Variants in HMCN1 observed in about 807,000 individuals in gnomAD.
HMCN1 encodes the protein hemicentin-1.
Under a neutral mutation model 625.9 loss-of-function variants are expected in HMCN1, and 321 were observed. That is an observed-to-expected ratio of 0.51 (90% CI 0.47 to 0.56). The LOEUF (loss-of-function observed/expected upper bound fraction) is 0.56, where lower values mean the gene tolerates loss of function less well. Ranked by LOEUF, HMCN1 falls within the 20% of genes least tolerant of loss-of-function variation. The pLI is 0.00. For missense variants in HMCN1, 6,588 were observed against 6,887.3 expected, an observed-to-expected ratio of 0.96 and a Z score of 1.54; for synonymous variants, 2,425 against 2,417.6, an observed-to-expected ratio of 1.00 and a Z score of -0.09.
At chr1:185,743,363 C>T (rs1410958676) in intron 1 of HMCN1, among the ~76,000 whole-genome samples, 1 of 152,168 alleles carries the variant, frequency 6.6e-6, no homozygotes, top group East Asian at 1.9e-4. Flanking sequence ...TAATATATCT[C>T]CCATCCAAGC....
At chr1:185,761,035 A>G (rs1468445438) in intron 1 of HMCN1, among the ~76,000 whole-genome samples, 1 of 152,092 alleles carries the variant, frequency 6.6e-6, no homozygotes. Context: ...TCCAGTAGAA[A>G]GTGGGTATGA....
chr1:185,891,187 T>G (rs898480675), intron 4 of HMCN1, among the ~76,000 whole-genome samples: 26 of 134,328 alleles, frequency 1.9e-4, no homozygotes, highest in Non-Finnish European at 3.5e-4. Flanking sequence ...CATCCTTTTA[T>G]TTTGAGCCTA....
intron 18 of HMCN1, among the ~76,000 whole-genome samples, chr1:185,983,824 C>A (rs929873539): frequency 6.6e-6 from 1 of 152,092 alleles, no homozygotes; most frequent in African/African-American, 2.4e-5. Context: ...TGGAAAAGAA[C>A]ACTTTAAGCC....
intron 4 of HMCN1, among the ~76,000 whole-genome samples, chr1:185,901,651 A>G (rs1665814626): frequency 6.6e-6 from 1 of 151,814 alleles, no homozygotes; most frequent in Non-Finnish European, 1.5e-5. Context: ...GTTATGCTTT[A>G]GTTTCCAGCA....
intron 103 of HMCN1, 128 bp downstream of exon 103, chr1:186,174,770 A>T: frequency 1.2e-6 from 1 of 826,650 alleles, no homozygotes; most frequent in Non-Finnish European, 2.0e-6. Context: ...ATGTGAATTG[A>T]TTTACGTCAT....
chr1:186,163,476 G>T (rs1006219482), intron 97 of HMCN1, among the ~76,000 whole-genome samples: 1 of 152,168 alleles, frequency 6.6e-6, no homozygotes. Flanking sequence ...AGATGGAAAT[G>T]AGGAAATCAC....
intron 35 of HMCN1, 147 bp from the exon 36 acceptor site, chr1:186,022,883 G>T (rs915276306): frequency 2.6e-6 from 2 of 768,682 alleles, no homozygotes; most frequent in East Asian, 2.7e-5. Flanking sequence ...ATGTGAACTC[G>T]CTCTAGTCTA....
At chr1:186,123,794 T>C (rs924002833) in intron 81 of HMCN1, among the ~76,000 whole-genome samples, 1 of 152,188 alleles carries the variant, frequency 6.6e-6, no homozygotes, top group Non-Finnish European at 1.5e-5. Flanking sequence ...ATATCAGTGG[T>C]GGGAAACAAT....
intron 104 of HMCN1, among the ~76,000 whole-genome samples, chr1:186,181,177 AAAG>A (rs1652903101): frequency 2.0e-5 from 3 of 152,116 alleles, no homozygotes; most frequent in Non-Finnish European, 4.4e-5. Context: ...ATTTTAAAGG[AAAG>A]AAGTAAAAAC....
intron 2 of HMCN1, among the ~76,000 whole-genome samples, chr1:185,856,900 G>T (rs1427705329): frequency 6.6e-6 from 1 of 152,148 alleles, no homozygotes; most frequent in East Asian, 1.9e-4. Flanking sequence ...GGTCTCTCTG[G>T]TCCATCATTT....
At chr1:185,842,567 A>C (rs1233857677) in intron 1 of HMCN1, among the ~76,000 whole-genome samples, 1 of 151,124 alleles carries the variant, frequency 6.6e-6, no homozygotes, top group Non-Finnish European at 1.5e-5. Flanking sequence ...CTGTCTCAAC[A>C]AAAAATAAAA....
chr1:185,946,744 G>C (rs1390630880), intron 11 of HMCN1, among the ~76,000 whole-genome samples: 3 of 152,160 alleles, frequency 2.0e-5, no homozygotes, highest in Non-Finnish European at 4.4e-5. Context: ...CGACTTTTTT[G>C]TTAAGGAAAG....
intron 68 of HMCN1, among the ~76,000 whole-genome samples, chr1:186,100,058 C>G (rs1182625640): frequency 1.3e-5 from 2 of 151,592 alleles, no homozygotes; most frequent in Non-Finnish European, 2.9e-5. Context: ...TAGCATGTGG[C>G]AGGGGGAGGG....
chr1:185,924,293 C>T (rs368047021), intron 8 of HMCN1, among the ~76,000 whole-genome samples: 232 of 129,500 alleles, frequency 1.8e-3, no homozygotes, highest in Non-Finnish European at 2.7e-3. Context: ...TGCAGTGGCG[C>T]GATCTCGGCT....
chr1:186,093,602 C>T lies in HMCN1; in HGVS notation c.10129C>T (p.Leu3377=). The change falls in exon 66 of 107, where the codon CTG becomes TTG. Residue 3377 remains leucine, a synonymous_variant. Coordinates refer to ENST00000271588, the MANE Select transcript of HMCN1 (RefSeq NM_031935.3). The part of the protein sequence containing the change: ...TGTPPPQINW[L]KNGLPLPLSS... The stretch of plus-strand genomic sequence containing the variant: ...GACGCCTCCACCACAGATAAACTGG[C>T]TGAAGAATGGACTTCCTCTGCCTCT... 6.2e-7 allele frequency: 1 copy of T among 1,613,444 alleles called. No individual in the cohort carries two copies. Among genetic ancestry groups the T allele is most frequent in the Non-Finnish European group, 8.5e-7 (1 of 1,179,650 alleles).
intron 1 of HMCN1, among the ~76,000 whole-genome samples, chr1:185,813,241 G>A (rs190532882): frequency 6.6e-6 from 1 of 152,044 alleles, no homozygotes. Flanking sequence ...ATGGAAACAG[G>A]GTAAATTAAT....
intron 1 of HMCN1, among the ~76,000 whole-genome samples, chr1:185,815,203 T>C (rs1659767909): frequency 1.3e-5 from 2 of 150,318 alleles, no homozygotes; most frequent in African/African-American, 2.5e-5. Flanking sequence ...ATCCTGAGAA[T>C]GATGTAATCA....
At chr1:185,788,389 A>T (rs2170858) in intron 1 of HMCN1, among the ~76,000 whole-genome samples, 13,866 of 152,264 alleles carry the variant, frequency 0.091, 2,038 homozygotes, top group African/African-American at 0.31. Context: ...AGAATACATT[A>T]TAGTTTCTTT....
chr1:185,831,522 C>T (rs962206807), intron 1 of HMCN1, among the ~76,000 whole-genome samples: 1 of 152,006 alleles, frequency 6.6e-6, no homozygotes, highest in African/African-American at 2.4e-5. Flanking sequence ...AAGCATTGTT[C>T]AGGAGTACTA....
Sources: allele counts gnomAD v4.1 joint callset (sites outside exome capture counted in the v4.1 genomes callset), GRCh38; gene constraint gnomAD v4.1.1; transcripts MANE v1.5; gene names NCBI Gene and HGNC (gene_info 2026-07-23, HGNC 2026-07-21).